MCTP2: variants seen among roughly 807,000 people sequenced by gnomAD.
MCTP2 encodes the protein multiple C2 and transmembrane domain-containing protein 2.
In MCTP2, 132 loss-of-function variants were observed where a neutral mutation model predicts 111.6. The ratio of observed to expected loss-of-function variants is 1.18; its 90% CI spans 1.03 to 1.37. The LOEUF (loss-of-function observed/expected upper bound fraction) is 1.37, where lower values mean the gene tolerates loss of function less well. Ranked by LOEUF, MCTP2 falls within the 40% of genes most tolerant of loss-of-function variation. The pLI is 0.00. For synonymous variants in MCTP2, 395 were observed against 387.7 expected (o/e 1.02, Z -0.22); for missense variants, 1,183 against 1,067.9 (o/e 1.11, Z -1.50).
At chr15:94,435,923 G>A (rs943624801) in intron 17 of MCTP2, among the ~76,000 whole-genome samples, 1 of 152,026 alleles carries the variant, frequency 6.6e-6, no homozygotes, top group Non-Finnish European at 1.5e-5. Flanking sequence ...GAGCCACCGC[G>A]CCCGGCCTAT....
intron 19 of MCTP2, among the ~76,000 whole-genome samples, chr15:94,455,636 A>T (rs1187438210): frequency 6.6e-6 from 1 of 152,054 alleles, no homozygotes; most frequent in Non-Finnish European, 1.5e-5. Flanking sequence ...CATGTTGGTC[A>T]GAATGGTCTC....
intron 4 of MCTP2, among the ~76,000 whole-genome samples, chr15:94,338,254 G>A (rs903032450): frequency 6.6e-6 from 1 of 152,060 alleles, no homozygotes; most frequent in African/African-American, 2.4e-5. Context: ...TATTCACTGT[G>A]CCGTGTTTCA....
chr15:94,372,298 C>T (rs975528197), intron 12 of MCTP2, among the ~76,000 whole-genome samples: 1 of 152,114 alleles, frequency 6.6e-6, no homozygotes, highest in Non-Finnish European at 1.5e-5. Context: ...GTGTTTAGAC[C>T]ATAATGGTCT....
At chr15:94,292,269 TA>T (rs2075067346) in intron 1 of MCTP2, among the ~76,000 whole-genome samples, 1 of 152,152 alleles carries the variant, frequency 6.6e-6, no homozygotes, top group African/African-American at 2.4e-5. Flanking sequence ...GCATTCTCAC[TA>T]ATACTATTCA....
chr15:94,261,260 C>T (rs998989382), intron 1 of MCTP2, among the ~76,000 whole-genome samples: 14 of 152,274 alleles, frequency 9.2e-5, no homozygotes, highest in Admixed American at 6.5e-4. Context: ...TCATCAGGAC[C>T]TTCTGAGGCT....
intron 13 of MCTP2, 71 bp from the exon 14 acceptor site, chr15:94,385,352 G>A: frequency 9.7e-7 from 1 of 1,026,014 alleles, no homozygotes; most frequent in Non-Finnish European, 1.5e-6. Flanking sequence ...GTGAAACAGT[G>A]TTTCCAGATC....
intron 2 of MCTP2, among the ~76,000 whole-genome samples, chr15:94,300,700 G>C (rs530624689): frequency 6.6e-6 from 1 of 152,106 alleles, no homozygotes; most frequent in Non-Finnish European, 1.5e-5. Context: ...TATCAGAGCT[G>C]TTGTTGCAAA....
At chr15:94,402,981 A>G in intron 17 of MCTP2, 1 of 1,003,666 alleles carries the variant, frequency 1.0e-6, no homozygotes, top group Middle Eastern at 5.0e-4. Context: ...ATAGCCTCAT[A>G]TAAAAAATGG....
intron 2 of MCTP2, among the ~76,000 whole-genome samples, chr15:94,309,439 G>A (rs547719600): frequency 3.3e-4 from 51 of 152,248 alleles, no homozygotes; most frequent in Non-Finnish European, 4.7e-4. Flanking sequence ...AGCTTTTCTG[G>A]ATGTGGGTTT....
At chr15:94,350,353 C>T (rs756053570) in intron 8 of MCTP2, among the ~76,000 whole-genome samples, 5 of 152,210 alleles carry the variant, frequency 3.3e-5, no homozygotes, top group Middle Eastern at 3.4e-3. Flanking sequence ...TTTGGGAGGC[C>T]GAGTCAGGTG....
At chr15:94,457,805 CAG>C (rs2084930641) in intron 19 of MCTP2, among the ~76,000 whole-genome samples, 3 of 152,128 alleles carry the variant, frequency 2.0e-5, no homozygotes, top group South Asian at 4.1e-4. Flanking sequence ...CAGAGGAAGT[CAG>C]AGTTAGCCAG....
chr15:94,292,239 A>AG (rs886305575), intron 1 of MCTP2, among the ~76,000 whole-genome samples: 4 of 152,150 alleles, frequency 2.6e-5, no homozygotes, highest in East Asian at 1.9e-4. Context: ...TCTAAGACTG[A>AG]GGGGGAAAAA....
chr15:94,279,181 C>T (rs1459879071), intron 1 of MCTP2, among the ~76,000 whole-genome samples: 1 of 152,050 alleles, frequency 6.6e-6, no homozygotes, highest in Non-Finnish European at 1.5e-5. Flanking sequence ...ATAGGAATAG[C>T]ATTGAATCTG....
chr15:94,463,496 T>G (rs2152531998), intron 20 of MCTP2, among the ~76,000 whole-genome samples: 1 of 152,268 alleles, frequency 6.6e-6, no homozygotes, highest in Admixed American at 6.5e-5. Context: ...ATATGAAGAT[T>G]ATTATTCTGG....
Position 94,440,703 on chromosome 15 carries a change from C to T in MCTP2, c.2208+405C>T, listed in dbSNP as rs113051948. Among the ~76,000 whole-genome samples the T allele has an allele frequency of 8.1e-3, 1,229 of 152,274 alleles. 11 individuals are homozygous for T. Among genetic ancestry groups the T allele is most frequent in the African/African-American group, 0.028 (1,167 of 41,544 alleles). On this transcript the variant is annotated intron_variant, in intron 18 of 22. Transcript: ENST00000357742. ...TAACTCTGGCCTTTCCATGAAGGCACCTTATGCAATGTTCTCTCTGGCTTG... is the reference window on the plus strand; with the variant it reads ...TAACTCTGGCCTTTCCATGAAGGCATCTTATGCAATGTTCTCTCTGGCTTG...
intron 19 of MCTP2, among the ~76,000 whole-genome samples, chr15:94,451,062 AT>A (rs957645387): frequency 3.9e-5 from 6 of 152,028 alleles, no homozygotes; most frequent in South Asian, 2.1e-4. Context: ...GATTTTTAAA[AT>A]TTTTTTTCTT....
At position 94,384,012 on chromosome 15, in the gene MCTP2, A is replaced by G. The variant is rs762172367; in HGVS notation, c.1583-10A>G. The stretch of plus-strand genomic sequence containing the variant: ...CTTGTCTTTGACCGATGTGTATGTT[A>G]TCTTTCCAGGGAAGAGTGACCCATT... On this transcript the variant is annotated splice_polypyrimidine_tract_variant and intron_variant, in intron 12 of 22. Transcript: ENST00000357742. 6 of 1,594,814 alleles carry G rather than the reference A, an allele frequency of 3.8e-6. No individual in the cohort carries two copies. The highest frequency in any genetic ancestry group is 2.2e-5 in the South Asian group (2 of 90,690).
chr15:94,286,846 T>C (rs1028651911), intron 1 of MCTP2, among the ~76,000 whole-genome samples: 1 of 152,162 alleles, frequency 6.6e-6, no homozygotes, highest in African/African-American at 2.4e-5. Context: ...CTGCCGTTAG[T>C]GGTTTGGAGA....
At chr15:94,242,724 A>G (rs1343187651) in intron 1 of MCTP2, among the ~76,000 whole-genome samples, 2 of 151,568 alleles carry the variant, frequency 1.3e-5, no homozygotes, top group Non-Finnish European at 2.9e-5. Context: ...CATTTTAAAG[A>G]TGTTTTTCCC....
Sources: gnomAD v4.1 joint callset for allele counts (sites outside exome capture counted in the v4.1 genomes callset) on GRCh38, gnomAD v4.1.1 for gene constraint, MANE v1.5 for transcripts, NCBI Gene and HGNC (gene_info 2026-07-23, HGNC 2026-07-21) for gene names.